The following PSMB7 variants were observed in gnomAD, a reference collection of about 807,000 sequenced individuals.
The protein encoded by PSMB7 is proteasome 20S subunit beta 7, also known as proteasome subunit beta type-7.
PSMB7 carries 5 observed loss-of-function variants against 28.1 expected under a neutral mutation model. The observed-to-expected ratio is 0.18, with a 90% CI of 0.09 to 0.37. The LOEUF (loss-of-function observed/expected upper bound fraction) is 0.37, where lower values mean the gene tolerates loss of function less well. Ranked by LOEUF, PSMB7 falls within the 10% of genes least tolerant of loss-of-function variation. PSMB7 has a pLI of 1.00. For synonymous variants in PSMB7, 122 were observed against 123.7 expected, an observed-to-expected ratio of 0.99 and a Z score of 0.09; for missense variants, 275 against 346.2, an observed-to-expected ratio of 0.79 and a Z score of 1.63.
At chr9:124,414,773 C>A (rs1193674402) in intron 2 of PSMB7, 69 bp downstream of exon 2, 1 of 1,354,138 alleles carries the variant, frequency 7.4e-7, no homozygotes, top group Non-Finnish European at 1.1e-6. Flanking sequence ...GGGAGAGACA[C>A]CGGAAGCCAA....
In PSMB7 at chr9:124,353,746, C is replaced by T. The variant is rs530282127; in HGVS notation, c.723-37G>A. 4.8e-6 allele frequency: 7 copies of T among 1,470,502 alleles called. No individual in the cohort carries two copies. In the South Asian group the frequency reaches 8.0e-5, roughly 17 times the overall value. The allele number at this position is 1,470,502 out of a possible 1,614,324, so 91.1% of individuals were successfully genotyped here. A position where few individuals can be genotyped will look rare whatever the true frequency, so the allele number is the denominator to read the frequency against. On this transcript the variant is annotated intron_variant, in intron 7 of 7. Transcript: ENST00000259457. ...AAAACAAAAGCACAGAGTTAGGATT[C>T]TCCTCAAGGTGCCAGAGGGCAGAAG...
intron 6 of PSMB7, among the ~76,000 whole-genome samples, chr9:124,374,272 A>G (rs1830588328): frequency 6.6e-6 from 1 of 152,190 alleles, no homozygotes; most frequent in Non-Finnish European, 1.5e-5. Context: ...GAATGGAGTT[A>G]TTATTTTTTT....
chr9:124,411,202 C>T (rs1422175496), intron 4 of PSMB7, among the ~76,000 whole-genome samples: 1 of 152,122 alleles, frequency 6.6e-6, no homozygotes, highest in African/African-American at 2.4e-5. Context: ...GAACTCCTTA[C>T]CTCAGGTGAT....
intron 6 of PSMB7, among the ~76,000 whole-genome samples, chr9:124,372,622 G>A (rs1486983666): frequency 6.6e-6 from 1 of 152,150 alleles, no homozygotes; most frequent in African/African-American, 2.4e-5. Flanking sequence ...ATGGGAGTAA[G>A]TCACACTTTC....
Position 124,415,352 on chromosome 9 carries a change from G to C in PSMB7, c.62+12C>G. On this transcript the variant is annotated intron_variant, in intron 1 of 7. Transcript: ENST00000259457. ...TCTCCCTCCCTGAACCAAGCCCCAAGCAAGGCGGCACCTGCGGCAGTTATC... is the reference window on the plus strand; with the variant it reads ...TCTCCCTCCCTGAACCAAGCCCCAACCAAGGCGGCACCTGCGGCAGTTATC... 1 of 1,613,574 alleles carries C rather than the reference G, an allele frequency of 6.2e-7. No homozygotes were observed. The highest frequency in any genetic ancestry group is 8.5e-7 in the Non-Finnish European group (1 of 1,179,792).
chr9:124,411,564 A>G (rs1831027531), intron 4 of PSMB7, among the ~76,000 whole-genome samples: 1 of 152,268 alleles, frequency 6.6e-6, no homozygotes, highest in South Asian at 2.1e-4. Context: ...CTAAATGCCC[A>G]GGCTACTTCT....
intron 6 of PSMB7, among the ~76,000 whole-genome samples, chr9:124,383,442 G>A (rs747712094): frequency 2.6e-5 from 4 of 152,098 alleles, no homozygotes; most frequent in Non-Finnish European, 4.4e-5. Flanking sequence ...GGTAGGTATC[G>A]CAGTTTCCAG....
chr9:124,414,882 A>G lies in PSMB7; in HGVS notation c.116T>C (p.Val39Ala), dbSNP rs4574. 695,634 of 1,612,794 alleles carry G rather than the reference A, an allele frequency of 0.43. 153,477 individuals are homozygous for G. Among genetic ancestry groups the G allele is most frequent in the African/African-American group, 0.6 (44,774 of 74,864 alleles). The change falls in exon 2 of 8, where the codon GTC becomes GCC. Residue 39 changes from valine to alanine, a missense_variant. Val to Ala is a moderately conservative substitution (Grantham distance 64). Coordinates refer to ENST00000259457, the MANE Select transcript of PSMB7 (RefSeq NM_002799.4). The part of the protein sequence containing the change: ...FAKRGYKLPK[V>A]RKTGTTIAGV... ...AGCGATGGTCGTGCCAGTTTTCCGG[A>G]CCTTTGGAAGCTTGTATCCCCTCTT...
chr9:124,393,563 T>G (rs1042600667), intron 5 of PSMB7, among the ~76,000 whole-genome samples: 2 of 152,252 alleles, frequency 1.3e-5, no homozygotes, highest in African/African-American at 4.8e-5. Flanking sequence ...ATCCAACAAT[T>G]TCACTCAAAA....
At chr9:124,384,540 T>C in intron 6 of PSMB7, 58 bp downstream of exon 6, 1 of 1,496,302 alleles carries the variant, frequency 6.7e-7, no homozygotes, top group Non-Finnish European at 9.2e-7. Flanking sequence ...TTTGTAAATG[T>C]TCAAGATAAA....
At chr9:124,382,546 G>A (rs1014600241) in intron 6 of PSMB7, among the ~76,000 whole-genome samples, 1 of 152,142 alleles carries the variant, frequency 6.6e-6, no homozygotes, top group Non-Finnish European at 1.5e-5. Context: ...GATTTTCACT[G>A]ATTGTCAGTG....
chr9:124,415,394 A>C lies in PSMB7; in HGVS notation c.32T>G (p.Val11Gly). The C allele has an allele frequency of 1.2e-6, 2 of 1,614,140 alleles. No individual in the cohort carries two copies. Among genetic ancestry groups the C allele is most frequent in the Non-Finnish European group, 1.7e-6 (2 of 1,180,022 alleles). MAAVSVYAPP[V>G]GGFSFDNCRR... ...GCAGTTATCAAAAGAGAAGCCTCCA[A>C]CTGGTGGAGCATACACCGACACAGC... Residue 11 changes from valine to glycine, a missense_variant, in exon 1 of 8, where the codon GTT becomes GGT. Val to Gly is a moderately radical substitution (Grantham distance 109). This residue lies in a region of PSMB7 where 62 missense variants were observed against 43.9 expected (regional missense o/e 1.41). Coordinates refer to ENST00000259457, the MANE Select transcript of PSMB7 (RefSeq NM_002799.4).
At chr9:124,378,339 GTGA>G (rs1291414535) in intron 6 of PSMB7, among the ~76,000 whole-genome samples, 1 of 152,152 alleles carries the variant, frequency 6.6e-6, no homozygotes, top group Non-Finnish European at 1.5e-5. Context: ...GATGTGTTTG[GTGA>G]CCAACTTCAA....
intron 6 of PSMB7, among the ~76,000 whole-genome samples, chr9:124,363,874 AG>A (rs763005217): frequency 2.7e-4 from 41 of 152,204 alleles, no homozygotes; most frequent in Non-Finnish European, 5.7e-4. Context: ...ACTCGCAGCC[AG>A]GAAGAGATGT....
rs569297380 is a variant in PSMB7 at position 124,387,022 on chromosome 9, G to A, written c.512-2366C>T. Among the ~76,000 whole-genome samples, 47 of 152,226 alleles carry A rather than the reference G, an allele frequency of 3.1e-4. 5 individuals are homozygous for A. The highest frequency in any genetic ancestry group is 2.9e-3 in the South Asian group (14 of 4,826). On this transcript the variant is annotated intron_variant, in intron 5 of 7. Coordinates refer to ENST00000259457, the MANE Select transcript of PSMB7 (RefSeq NM_002799.4). Reference sequence around the variant, plus strand: ...AGAACTTTGGGAGGCCGAGGTGGGCGGATCACAAGGTGAGGAGATTGAGAC... The same window carrying A: ...AGAACTTTGGGAGGCCGAGGTGGGCAGATCACAAGGTGAGGAGATTGAGAC...
At chr9:124,358,585 G>A (rs1415761678) in intron 6 of PSMB7, among the ~76,000 whole-genome samples, 2 of 152,202 alleles carry the variant, frequency 1.3e-5, no homozygotes, top group African/African-American at 4.8e-5. Flanking sequence ...TAGACGAGGA[G>A]CTGGCAGCAG....
chr9:124,376,017 G>A (rs1221488729), intron 6 of PSMB7, among the ~76,000 whole-genome samples: 1 of 152,178 alleles, frequency 6.6e-6, no homozygotes, highest in Non-Finnish European at 1.5e-5. Context: ...CGCTTGTCAG[G>A]GCTCCTGAGC....
chr9:124,395,141 A>G (rs1219155501), intron 5 of PSMB7, among the ~76,000 whole-genome samples: 7 of 152,338 alleles, frequency 4.6e-5, no homozygotes, highest in African/African-American at 1.7e-4. Context: ...TAAGCATTAC[A>G]GAAGAAATCA....
At chr9:124,388,674 T>G (rs1223635314) in intron 5 of PSMB7, among the ~76,000 whole-genome samples, 1 of 152,068 alleles carries the variant, frequency 6.6e-6, no homozygotes, top group Admixed American at 6.5e-5. Flanking sequence ...ATGACCAGGT[T>G]TCTACCTCCT....
Sources: allele counts gnomAD v4.1 joint callset (sites outside exome capture counted in the v4.1 genomes callset), GRCh38; gene constraint gnomAD v4.1.1; regional missense constraint gnomAD v4.1.1; transcripts MANE v1.5; gene names NCBI Gene and HGNC (gene_info 2026-07-23, HGNC 2026-07-21).